The following MACROD2 variants were observed in gnomAD, a reference collection of about 807,000 sequenced individuals.
MACROD2 encodes ADP-ribose glycohydrolase MACROD2.
Under a neutral mutation model 70.4 loss-of-function variants are expected in MACROD2, and 36 were observed. The observed-to-expected ratio is 0.51, with a 90% confidence interval of 0.39 to 0.68. The LOEUF is 0.68. MACROD2 is among the 30% of genes least tolerant of loss of function. MACROD2 has a pLI of 0.00. For synonymous variants in MACROD2, 172 were observed against 178.8 expected (o/e 0.96, Z 0.30); for missense variants, 496 against 538.4 (o/e 0.92, Z 0.78).
intron 5 of MACROD2, among the ~76,000 whole-genome samples, chr20:15,095,604 G>A (rs2075825193): frequency 6.6e-6 from 1 of 151,888 alleles, no homozygotes; most frequent in South Asian, 2.1e-4. Context: ...TGCAAGCTCC[G>A]CCTCCCGGGT....
intron 5 of MACROD2, among the ~76,000 whole-genome samples, chr20:14,830,453 T>C (rs1407210398): frequency 6.6e-6 from 1 of 152,180 alleles, no homozygotes; most frequent in African/African-American, 2.4e-5. Context: ...ACACCAAATT[T>C]GAATATCATA....
chr20:14,173,592 C>T (rs755925077), intron 3 of MACROD2, among the ~76,000 whole-genome samples: 26 of 152,130 alleles, frequency 1.7e-4, no homozygotes, highest in South Asian at 1.2e-3. Flanking sequence ...TTAGTATAAT[C>T]GACCTTCTGA....
intron 15 of MACROD2, among the ~76,000 whole-genome samples, chr20:16,009,292 T>C (rs368696782): frequency 1.3e-5 from 2 of 152,332 alleles, no homozygotes; most frequent in South Asian, 2.1e-4. Context: ...GACATTTGTA[T>C]AGAAGCCTGA....
At chr20:14,817,109 G>A (rs960231519) in intron 5 of MACROD2, among the ~76,000 whole-genome samples, 6 of 152,108 alleles carry the variant, frequency 3.9e-5, no homozygotes, top group African/African-American at 1.4e-4. Context: ...CCGATTTACA[G>A]TTTTTCCTTT....
intron 5 of MACROD2, among the ~76,000 whole-genome samples, chr20:14,700,847 G>C (rs2071188734): frequency 6.6e-6 from 1 of 152,056 alleles, no homozygotes; most frequent in Non-Finnish European, 1.5e-5. Flanking sequence ...GAGTGAGCTG[G>C]CTCACCAGAG....
At position 15,995,082 on chromosome 20, in the gene MACROD2, T is replaced by C. The variant is rs897114168; in HGVS notation, c.1153+7924T>C. On this transcript the variant is annotated intron_variant, in intron 15 of 17. Transcript: ENST00000684519. ...TATACTCAATTGATATATAATTGAGTTATTTTTTTTCTACTAACTCTAATG... is the reference window on the plus strand; with the variant it reads ...TATACTCAATTGATATATAATTGAGCTATTTTTTTTCTACTAACTCTAATG... Among the ~76,000 whole-genome samples, 3 of 151,964 alleles carry C rather than the reference T, an allele frequency of 2.0e-5. No homozygotes were observed. The East Asian group carries it at 5.8e-4, about 29-fold the overall frequency.
intron 2 of MACROD2, among the ~76,000 whole-genome samples, chr20:14,066,354 A>G (rs898978086): frequency 6.6e-6 from 1 of 152,218 alleles, no homozygotes; most frequent in Non-Finnish European, 1.5e-5. Context: ...AAATCTTGGT[A>G]TGTTAGTCAA....
chr20:14,171,531 GTGTCACTAT>G (rs2081220942), intron 3 of MACROD2, among the ~76,000 whole-genome samples: 1 of 152,112 alleles, frequency 6.6e-6, no homozygotes. Flanking sequence ...GTGATAGGCT[GTGTCACTAT>G]TGTTGTTCAG....
At chr20:15,422,968 T>A (rs6110598) in intron 6 of MACROD2, among the ~76,000 whole-genome samples, 16 of 152,048 alleles carry the variant, frequency 1.1e-4, no homozygotes, top group Non-Finnish European at 1.3e-4. Flanking sequence ...ACATTCCATC[T>A]TCTGGTTTAC....
At chr20:15,595,147 A>G (rs2048729590) in intron 8 of MACROD2, among the ~76,000 whole-genome samples, 6 of 152,192 alleles carry the variant, frequency 3.9e-5, no homozygotes. Context: ...GATTATTGTT[A>G]AGGGGTACAG....
At chr20:15,212,772 A>G (rs975093058) in intron 5 of MACROD2, among the ~76,000 whole-genome samples, 31 of 152,184 alleles carry the variant, frequency 2.0e-4, no homozygotes, top group Non-Finnish European at 1.8e-4. Context: ...TCTACATTTG[A>G]CATTTTGAGT....
chr20:15,115,092 TG>T (rs1270608495), intron 5 of MACROD2, among the ~76,000 whole-genome samples: 2 of 152,210 alleles, frequency 1.3e-5, no homozygotes, highest in Non-Finnish European at 2.9e-5. Flanking sequence ...ATTCTTCAAA[TG>T]AATTCCTCTT....
chr20:15,913,219 G>GAA (rs11482787), intron 10 of MACROD2, among the ~76,000 whole-genome samples: 1 of 148,436 alleles, frequency 6.7e-6, no homozygotes, highest in East Asian at 2.0e-4. Flanking sequence ...TCTCTTCATA[G>GAA]AAAAAAAAAA....
intron 15 of MACROD2, among the ~76,000 whole-genome samples, chr20:16,018,680 A>G (rs925519371): frequency 6.6e-6 from 1 of 151,996 alleles, no homozygotes; most frequent in Admixed American, 6.5e-5. Flanking sequence ...TTTTTCTTTA[A>G]TCATCTGACA....
chr20:14,364,332 C>A (rs2083252476), intron 3 of MACROD2, among the ~76,000 whole-genome samples: 1 of 152,168 alleles, frequency 6.6e-6, no homozygotes, highest in Middle Eastern at 3.2e-3. Context: ...TAACCTCATT[C>A]TACAGTGAGC....
intron 8 of MACROD2, among the ~76,000 whole-genome samples, chr20:15,851,929 A>C (rs529827973): frequency 6.6e-6 from 1 of 152,230 alleles, no homozygotes; most frequent in South Asian, 2.1e-4. Flanking sequence ...AGCACACGGC[A>C]GCTTCCTCTT....
intron 5 of MACROD2, among the ~76,000 whole-genome samples, chr20:15,115,027 A>G (rs544044484): frequency 2.0e-5 from 3 of 152,280 alleles, no homozygotes; most frequent in African/African-American, 7.2e-5. Context: ...CCTGCCACCT[A>G]TCTTTGCCAA....
chr20:15,029,140 C>T (rs1004862019), intron 5 of MACROD2, among the ~76,000 whole-genome samples: 23 of 152,106 alleles, frequency 1.5e-4, no homozygotes, highest in Non-Finnish European at 2.6e-4. Flanking sequence ...GCCAGAATTC[C>T]GGAAGGCTTT....
chr20:14,987,278 A>G (rs938104549), intron 5 of MACROD2, among the ~76,000 whole-genome samples: 2 of 152,166 alleles, frequency 1.3e-5, no homozygotes, highest in African/African-American at 4.8e-5. Flanking sequence ...CTGGAATGGT[A>G]TGATAGTAAA....
Sources: allele counts gnomAD v4.1 joint callset (sites outside exome capture counted in the v4.1 genomes callset), GRCh38; gene constraint gnomAD v4.1.1; transcripts MANE v1.5; gene names NCBI Gene and HGNC (gene_info 2026-07-23, HGNC 2026-07-21).